The following LRRC49 variants were observed in gnomAD, a reference collection of about 807,000 sequenced individuals.
LRRC49 encodes the protein leucine rich repeat containing 49.
A neutral mutation model predicts 83.3 loss-of-function variants in LRRC49; 50 were observed. That is an observed-to-expected ratio of 0.60 (90% CI 0.48 to 0.76). The LOEUF (loss-of-function observed/expected upper bound fraction) is 0.76, where lower values mean the gene tolerates loss of function less well. LRRC49 is among the 30% of genes least tolerant of loss of function. LRRC49 has a pLI of 0.00. For synonymous variants in LRRC49, 286 were observed against 283.3 expected (o/e 1.01, Z -0.10); for missense variants, 704 against 809.1 (o/e 0.87, Z 1.58).
intron 14 of LRRC49, among the ~76,000 whole-genome samples, chr15:71,031,068 T>C (rs1385619926): frequency 1.3e-5 from 2 of 152,108 alleles, no homozygotes; most frequent in African/African-American, 4.8e-5. Flanking sequence ...TTGCAATCAT[T>C]TGGAGAAGGG....
At position 71,008,580 on chromosome 15, in the gene LRRC49, G is replaced by C; in HGVS notation, c.1371G>C (p.Val457=). ...TAGAATTTGATGAAATCGTCCAAGT[G>C]CTTCCTAAACTGAAGATTAAGTTTC... The part of the protein sequence containing the change: ...TFIEFDEIVQ[V]LPKLKIKFPN... Residue 457 remains valine, a synonymous_variant, in exon 12 of 16, where the codon GTG becomes GTC. Transcript: ENST00000260382. 1.2e-6 allele frequency: 2 copies of C among 1,612,316 alleles called. No homozygotes were observed. The highest frequency in any genetic ancestry group is 1.7e-6 in the Non-Finnish European group (2 of 1,178,860).
rs966871560 is a variant in LRRC49, at chr15:71,051,722, C to T, written c.*2110C>T. ...TGCTGCTAAAGAGACTTGACACTCA[C>T]ATGCTTTCTTGGCCCAGTCACCCTG... On this transcript the variant is annotated 3_prime_UTR_variant, in exon 16 of 16. Coordinates refer to ENST00000260382, the MANE Select transcript of LRRC49 (RefSeq NM_017691.5). 2.0e-5 allele frequency: 3 copies of T among 152,430 alleles called. No individual in the cohort carries two copies. Among genetic ancestry groups the T allele is most frequent in the African/African-American group, 7.2e-5 (3 of 41,444 alleles). The allele number at this position is 152,430 out of a possible 1,614,324, so 9.4% of individuals were successfully genotyped here. A position where few individuals can be genotyped will look rare whatever the true frequency, so the allele number is the denominator to read the frequency against.
At chr15:70,964,408 T>C (rs113240966) in intron 9 of LRRC49, among the ~76,000 whole-genome samples, 3 of 152,136 alleles carry the variant, frequency 2.0e-5, no homozygotes, top group Non-Finnish European at 2.9e-5. Context: ...GTCGCGAAGA[T>C]GAAATAAAGT....
chr15:71,031,544 G>T (rs2141290339), intron 14 of LRRC49, among the ~76,000 whole-genome samples: 1 of 152,286 alleles, frequency 6.6e-6, no homozygotes, highest in African/African-American at 2.4e-5. Context: ...AATCCCTCTT[G>T]TCAGGATCAG....
chr15:70,869,109 A>C (rs2032973385), intron 1 of LRRC49, among the ~76,000 whole-genome samples: 2 of 152,214 alleles, frequency 1.3e-5, no homozygotes, highest in Non-Finnish European at 2.9e-5. Context: ...AATTGGAAAA[A>C]AAATTTTAAT....
intron 1 of LRRC49, chr15:70,859,762 C>T (rs551543454): frequency 8.0e-5 from 58 of 726,622 alleles, no homozygotes; most frequent in South Asian, 3.0e-4. Flanking sequence ...AGGATGCCAA[C>T]GCCAAGCTGT....
At chr15:70,978,696 T>G (rs751596630) in intron 9 of LRRC49, among the ~76,000 whole-genome samples, 7 of 152,160 alleles carry the variant, frequency 4.6e-5, no homozygotes, top group Admixed American at 1.3e-4. Flanking sequence ...TTTTAATAAA[T>G]TACTGAACAG....
intron 1 of LRRC49, among the ~76,000 whole-genome samples, chr15:70,863,933 G>A (rs2032855369): frequency 6.6e-6 from 1 of 152,226 alleles, no homozygotes; most frequent in South Asian, 2.1e-4. Context: ...ACATCTCACA[G>A]CTTTGGCACC....
At chr15:70,979,600 A>G (rs1318874812) in intron 9 of LRRC49, among the ~76,000 whole-genome samples, 1 of 152,098 alleles carries the variant, frequency 6.6e-6, no homozygotes, top group Non-Finnish European at 1.5e-5. Context: ...CAATTTAAAA[A>G]CAAACCAAAA....
intron 15 of LRRC49, among the ~76,000 whole-genome samples, chr15:71,040,017 TA>T (rs2039650613): frequency 6.6e-6 from 1 of 152,188 alleles, no homozygotes; most frequent in South Asian, 2.1e-4. Context: ...AAACCCCTTT[TA>T]AAAATATTGT....
At chr15:71,021,575 A>G (rs148166875) in intron 14 of LRRC49, among the ~76,000 whole-genome samples, 1,667 of 152,306 alleles carry the variant, frequency 0.011, 32 homozygotes, top group African/African-American at 0.037. Context: ...CAGGAAGCAT[A>G]TATTTTTTTC....
At chr15:70,929,786 T>G (rs1454787922) in intron 7 of LRRC49, among the ~76,000 whole-genome samples, 8 of 152,216 alleles carry the variant, frequency 5.3e-5, no homozygotes, top group Non-Finnish European at 1.2e-4. Context: ...CCAGGAGCAG[T>G]TTCCATCTTA....
At chr15:70,926,764 C>G (rs868188954) in intron 7 of LRRC49, among the ~76,000 whole-genome samples, 1 of 151,644 alleles carries the variant, frequency 6.6e-6, no homozygotes, top group Non-Finnish European at 1.5e-5. Context: ...TGAGAACATG[C>G]GGTGTTTGGT....
At chr15:71,012,394 C>G (rs944713319) in intron 13 of LRRC49, among the ~76,000 whole-genome samples, 2 of 152,036 alleles carry the variant, frequency 1.3e-5, no homozygotes, top group Non-Finnish European at 2.9e-5. Flanking sequence ...GTATGACCAA[C>G]ACCTTGGCTT....
At chr15:70,855,406 C>T (rs1303394793) in intron 1 of LRRC49, among the ~76,000 whole-genome samples, 1 of 151,888 alleles carries the variant, frequency 6.6e-6, no homozygotes, top group African/African-American at 2.4e-5. Context: ...AGACCTGAAT[C>T]TGCTTTCATG....
chr15:70,856,844 C>A (rs1295326707), intron 1 of LRRC49, among the ~76,000 whole-genome samples: 1 of 152,162 alleles, frequency 6.6e-6, no homozygotes, highest in Non-Finnish European at 1.5e-5. Flanking sequence ...TTAGTCCTAC[C>A]CACATACCCA....
intron 11 of LRRC49, among the ~76,000 whole-genome samples, chr15:71,002,257 T>A (rs2141252723): frequency 1.3e-5 from 2 of 152,258 alleles, no homozygotes; most frequent in South Asian, 4.1e-4. Context: ...TAGTATTTCA[T>A]AATGCCAAAA....
intron 7 of LRRC49, chr15:70,936,552 G>C (rs755800752): frequency 1.5e-5 from 7 of 468,262 alleles, no homozygotes; most frequent in Admixed American, 3.5e-5. Context: ...TTTACCTTGC[G>C]AGTGGTGCAG....
chr15:70,888,156 A>C (rs577801015), upstream of LRRC49, among the ~76,000 whole-genome samples: 4 of 142,790 alleles, frequency 2.8e-5, no homozygotes, highest in East Asian at 5.8e-4. Flanking sequence ...AATCCTCGTG[A>C]GTAACTTGTG....
Sources: gnomAD v4.1 joint callset for allele counts (sites outside exome capture counted in the v4.1 genomes callset) on GRCh38, gnomAD v4.1.1 for gene constraint, MANE v1.5 for transcripts, NCBI Gene and HGNC (gene_info 2026-07-23, HGNC 2026-07-21) for gene names.